The following MARCHF4 variants were observed in gnomAD, a reference collection of about 807,000 sequenced individuals.
MARCHF4 encodes the protein membrane associated ring-CH-type finger 4, also known as E3 ubiquitin-protein ligase MARCHF4.
Under a neutral mutation model 43.9 loss-of-function variants are expected in MARCHF4, and 14 were observed. The ratio of observed to expected loss-of-function variants is 0.32; its 90% CI spans 0.21 to 0.50. The LOEUF is 0.50. Among genes scored for constraint, MARCHF4 ranks in the 20% least tolerant of loss-of-function variants. MARCHF4 has a pLI of 0.98. For missense variants in MARCHF4, 468 were observed against 536.7 expected (o/e 0.87, Z 1.27); for synonymous variants, 226 against 213.3 (o/e 1.06, Z -0.52).
rs893646498 is a variant in MARCHF4 at position 216,370,503 on chromosome 2, C to T, written c.-243G>A. ...AAAAAGTTTTTCTTGCCCTCACACACCCACCCCAACCTCCAACTTTGTTCA... is the reference window on the plus strand; with the variant it reads ...AAAAAGTTTTTCTTGCCCTCACACATCCACCCCAACCTCCAACTTTGTTCA... On this transcript the variant is annotated 5_prime_UTR_variant, in exon 1 of 4. The change creates a new upstream start codon in the 5' untranslated region. Coordinates refer to ENST00000273067, the MANE Select transcript of MARCHF4 (RefSeq NM_020814.3). The T allele has an allele frequency of 2.3e-6, 1 of 427,542 alleles. No individual in the cohort carries two copies. The highest frequency in any genetic ancestry group is 4.1e-6 in the Non-Finnish European group (1 of 241,200). The allele number at this position is 427,542 out of a possible 1,614,324, so 26.5% of individuals were successfully genotyped here.
chr2:216,263,938 G>C (rs1279393365), intron 3 of MARCHF4, among the ~76,000 whole-genome samples: 3 of 152,116 alleles, frequency 2.0e-5, no homozygotes, highest in African/African-American at 7.2e-5. Flanking sequence ...CCAGGAGCTG[G>C]GCCCTGTGAT....
intron 1 of MARCHF4, among the ~76,000 whole-genome samples, chr2:216,290,305 T>A (rs1223509137): frequency 1.3e-5 from 2 of 152,134 alleles, no homozygotes; most frequent in Non-Finnish European, 2.9e-5. Context: ...ATTTGGGGGC[T>A]GAGCATTCCA....
At chr2:216,335,688 G>C (rs1021076566) in intron 1 of MARCHF4, among the ~76,000 whole-genome samples, 3 of 152,124 alleles carry the variant, frequency 2.0e-5, no homozygotes, top group African/African-American at 7.2e-5. Flanking sequence ...ATCTAGGAGA[G>C]ATTACTTTAA....
chr2:216,259,355 G>A lies in MARCHF4; in HGVS notation c.1190C>T (p.Pro397Leu). 6.3e-7 allele frequency: 1 copy of A among 1,586,050 alleles called. No individual in the cohort carries two copies. Among genetic ancestry groups the A allele is most frequent in the South Asian group, 1.1e-5 (1 of 87,262 alleles). ...HLRPHEQRSPPGSSRELVMRV... is the reference protein window; with the variant it reads ...HLRPHEQRSPLGSSRELVMRV... ...CATGACCAGCTCTCGGCTGCTGCCTGGGGGACTTCGCTGTTCATGAGGTCT... is the reference window on the plus strand; with the variant it reads ...CATGACCAGCTCTCGGCTGCTGCCTAGGGGACTTCGCTGTTCATGAGGTCT... The change falls in exon 4 of 4, where the codon CCA (proline) becomes CTA (leucine). Residue 397 changes from proline to leucine, a missense_variant. Coordinates refer to ENST00000273067, the MANE Select transcript of MARCHF4 (RefSeq NM_020814.3).
chr2:216,348,032 CTTTTTTTTTTTT>C (rs773695717), intron 1 of MARCHF4, among the ~76,000 whole-genome samples: 4 of 99,678 alleles, frequency 4.0e-5, no homozygotes, highest in East Asian at 6.2e-4. Context: ...TTAAGGCATT[CTTTTTTTTTTTT>C]TTTTTTTTTT....
chr2:216,288,266 G>A (rs1015227987), intron 1 of MARCHF4, among the ~76,000 whole-genome samples: 3 of 152,210 alleles, frequency 2.0e-5, no homozygotes, highest in African/African-American at 7.2e-5. Flanking sequence ...TGCCTGGCCT[G>A]TAAGGGTTAA....
intron 1 of MARCHF4, among the ~76,000 whole-genome samples, chr2:216,302,834 G>T (rs937359185): frequency 6.8e-6 from 1 of 146,682 alleles, no homozygotes; most frequent in African/African-American, 2.6e-5. Context: ...GGAGGTGGAG[G>T]TTGCAGTGAG....
At chr2:216,285,985 T>C (rs1298706309) in intron 1 of MARCHF4, among the ~76,000 whole-genome samples, 2 of 152,204 alleles carry the variant, frequency 1.3e-5, no homozygotes, top group Non-Finnish European at 2.9e-5. Context: ...CAGGAAGAGC[T>C]GCTGCCTGGG....
intron 1 of MARCHF4, among the ~76,000 whole-genome samples, chr2:216,340,912 G>T (rs945815983): frequency 6.6e-6 from 1 of 152,134 alleles, no homozygotes; most frequent in African/African-American, 2.4e-5. Context: ...CTTGTCCAAG[G>T]TCACACAGCC....
chr2:216,306,473 G>A (rs755939665), intron 1 of MARCHF4, among the ~76,000 whole-genome samples: 1 of 152,172 alleles, frequency 6.6e-6, no homozygotes, highest in South Asian at 2.1e-4. Context: ...CTAGATCAAA[G>A]TTTGCAGATC....
Position 216,258,020 on chromosome 2 carries a change from C to A in MARCHF4, c.*1292G>T, listed in dbSNP as rs1479711238. 6.6e-6 allele frequency: 1 copy of A among 152,154 alleles called. No homozygotes were observed. Among genetic ancestry groups the A allele is most frequent in the Non-Finnish European group, 1.5e-5 (1 of 68,054 alleles). The allele number at this position is 152,154 out of a possible 1,614,324, so 9.4% of individuals were successfully genotyped here. A position where few individuals can be genotyped will look rare whatever the true frequency, so the allele number is the denominator to read the frequency against. The stretch of plus-strand genomic sequence containing the variant: ...ACCACTGTGCAGTGACAACCAGAAA[C>A]TTTGCAGGTGAACACCCAGTGGCCT... On this transcript the variant is annotated 3_prime_UTR_variant, in exon 4 of 4. Coordinates refer to ENST00000273067, the MANE Select transcript of MARCHF4 (RefSeq NM_020814.3).
intron 1 of MARCHF4, among the ~76,000 whole-genome samples, chr2:216,354,611 G>A (rs763014489): frequency 1.2e-4 from 18 of 152,320 alleles, no homozygotes; most frequent in South Asian, 2.1e-4. Context: ...AACCTGTACT[G>A]AGTGGTCACT....
chr2:216,279,156 A>G (rs1265638622), intron 2 of MARCHF4, among the ~76,000 whole-genome samples: 1 of 152,252 alleles, frequency 6.6e-6, no homozygotes, highest in Non-Finnish European at 1.5e-5. Flanking sequence ...GACTTCCCAG[A>G]GGAAGCAATA....
At chr2:216,339,566 C>T (rs1401791883) in intron 1 of MARCHF4, among the ~76,000 whole-genome samples, 1 of 152,234 alleles carries the variant, frequency 6.6e-6, no homozygotes, top group South Asian at 2.1e-4. Context: ...TTGTAAAACA[C>T]GCTTTTCTCT....
At chr2:216,267,803 C>T (rs1189429663) in intron 3 of MARCHF4, among the ~76,000 whole-genome samples, 2 of 152,160 alleles carry the variant, frequency 1.3e-5, no homozygotes, top group East Asian at 3.8e-4. Flanking sequence ...AAAGACAGTT[C>T]CCAAGAAATA....
At chr2:216,293,211 G>A (rs1225291358) in intron 1 of MARCHF4, among the ~76,000 whole-genome samples, 1 of 152,124 alleles carries the variant, frequency 6.6e-6, no homozygotes, top group Non-Finnish European at 1.5e-5. Flanking sequence ...ACCCGTCCAT[G>A]GCATTTCACA....
chr2:216,259,494 T>C lies in MARCHF4; in HGVS notation c.1051A>G (p.Thr351Ala), dbSNP rs1377210440. The C allele has an allele frequency of 6.2e-7, 1 of 1,614,076 alleles. No individual in the cohort carries two copies. The change falls in exon 4 of 4, where the codon ACC (threonine) becomes GCC (alanine). Residue 351 changes from threonine to alanine, a missense_variant. By Grantham distance (58) the Thr-to-Ala change is moderately conservative (BLOSUM62 0). Around this residue, in one of 3 missense-constraint regions of MARCHF4, gnomAD observed 120 missense variants for 127.1 expected, o/e 0.94. Transcript: ENST00000273067. ...TGCTCAGGGGCAGGGGTGCCTGCGG[T>C]CTCCTCTTCCGAGGAGGGGATATTG... ...QANIPSSEEE[T>A]AGTPAPEQGP...
rs77872008 is a variant in MARCHF4 at position 216,277,535 on chromosome 2, G to T, written c.865+137C>A. ...TCCACCCCTTGAATCCAAGCCTCTGGCCTCTCCTGAGCTCCCAGTTCTCAA... is the reference window on the plus strand; with the variant it reads ...TCCACCCCTTGAATCCAAGCCTCTGTCCTCTCCTGAGCTCCCAGTTCTCAA... On this transcript the variant is annotated intron_variant, in intron 3 of 3. Transcript: ENST00000273067. 1.1e-3 allele frequency: 874 copies of T among 830,492 alleles called. 12 individuals carry two copies. In the East Asian group the frequency reaches 0.022, roughly 21 times the overall value. 51.4% of individuals were successfully genotyped at this position (830,492 alleles called of 1,614,324 possible). A position where few individuals can be genotyped will look rare whatever the true frequency, so the allele number is the denominator to read the frequency against.
At chr2:216,312,124 C>T (rs1691696277) in intron 1 of MARCHF4, among the ~76,000 whole-genome samples, 1 of 152,102 alleles carries the variant, frequency 6.6e-6, no homozygotes, top group African/African-American at 2.4e-5. Flanking sequence ...AACCCTTATC[C>T]ACCTTCTGGA....
Sources: allele counts gnomAD v4.1 joint callset (sites outside exome capture counted in the v4.1 genomes callset), GRCh38; gene constraint gnomAD v4.1.1; regional missense constraint gnomAD v4.1.1; transcripts MANE v1.5; gene names NCBI Gene and HGNC (gene_info 2026-07-23, HGNC 2026-07-21).